Variants in RPS6KA2 observed in about 807,000 individuals in gnomAD.
The protein encoded by RPS6KA2 is ribosomal protein S6 kinase alpha-2.
A neutral mutation model predicts 91.8 loss-of-function variants in RPS6KA2; 42 were observed. The observed-to-expected ratio is 0.46, with a 90% confidence interval of 0.36 to 0.59. RPS6KA2 has a LOEUF of 0.59. Among genes scored for constraint, RPS6KA2 ranks in the 20% least tolerant of loss-of-function variants. The pLI, the probability that RPS6KA2 is intolerant of heterozygous loss-of-function variation, is 0.00. For missense variants in RPS6KA2, 798 were observed against 978.5 expected, an observed-to-expected ratio of 0.82 and a Z score of 2.46; for synonymous variants, 414 against 393.6, an observed-to-expected ratio of 1.05 and a Z score of -0.61.
intron 3 of RPS6KA2, among the ~76,000 whole-genome samples, chr6:166,530,131 C>G (rs1170524169): frequency 6.6e-6 from 1 of 152,166 alleles, no homozygotes; most frequent in Non-Finnish European, 1.5e-5. Context: ...GTACTGCTCC[C>G]CTGCCTGTAG....
Position 166,423,562 on chromosome 6 carries a change from A to G in RPS6KA2, c.1582-145T>C, listed in dbSNP as rs1236678678. ...CAGGCAACAGGCCAACAGTGTCAAC[A>G]GCTGCTGTCTTCTCCAGAGGGCCCC... On this transcript the variant is annotated intron_variant, in intron 16 of 20. Coordinates refer to ENST00000265678, the MANE Select transcript of RPS6KA2 (RefSeq NM_021135.6). The surrounding 1 kb of genome is among the most constrained non-coding windows in gnomAD (Gnocchi z 4.8). 1.4e-6 allele frequency: 1 copy of G among 717,242 alleles called. No individual in the cohort carries two copies. Among genetic ancestry groups the G allele is most frequent in the African/African-American group, 1.8e-5 (1 of 55,438 alleles). 44.4% of individuals were successfully genotyped at this position (717,242 alleles called of 1,614,324 possible). A position where few individuals can be genotyped will look rare whatever the true frequency, so the allele number is the denominator to read the frequency against.
At chr6:166,719,243 C>T (rs1790105900) in intron 2 of RPS6KA2, among the ~76,000 whole-genome samples, 1 of 152,214 alleles carries the variant, frequency 6.6e-6, no homozygotes, top group African/African-American at 2.4e-5. Context: ...AGGTTGGGAA[C>T]ATAATGTTAA....
chr6:166,641,962 C>T (rs1039265329), intron 2 of RPS6KA2, among the ~76,000 whole-genome samples: 1 of 151,504 alleles, frequency 6.6e-6, no homozygotes, highest in Non-Finnish European at 1.5e-5. Context: ...CAAAGAAAAA[C>T]AGAAAAGCAC....
rs144334798 is a variant in RPS6KA2, at chr6:166,772,207, G to A, written c.123+85993C>T. The stretch of plus-strand genomic sequence containing the variant: ...TGGCAAGCACTCCCTTTCTTTCTAT[G>A]GGACACTAGTTCCATGGAGTCCAGG... On this transcript the variant is annotated intron_variant, in intron 2 of 21. Coordinates refer to the RPS6KA2 transcript ENST00000503859. Among the ~76,000 whole-genome samples the A allele has an allele frequency of 2.4e-4, 37 of 152,238 alleles. No individual in the cohort carries two copies. In the East Asian group the frequency reaches 7.2e-3, roughly 29 times the overall value.
chr6:166,760,910 G>T (rs1232277500), intron 2 of RPS6KA2, among the ~76,000 whole-genome samples: 1 of 152,206 alleles, frequency 6.6e-6, no homozygotes, highest in Non-Finnish European at 1.5e-5. Context: ...AAGTGCATTA[G>T]CAAAATAAAT....
intron 16 of RPS6KA2, among the ~76,000 whole-genome samples, chr6:166,428,035 A>G (rs919479452): frequency 1.3e-5 from 2 of 151,734 alleles, no homozygotes; most frequent in African/African-American, 2.4e-5. Context: ...GAGGCATCAC[A>G]CTACCTGACT....
intron 1 of RPS6KA2, among the ~76,000 whole-genome samples, chr6:166,616,218 A>G (rs1786406356): frequency 6.6e-6 from 1 of 152,160 alleles, no homozygotes; most frequent in Admixed American, 6.5e-5. Flanking sequence ...TACTAATTTT[A>G]CAGAGAAGAA....
At chr6:166,523,486 A>G (rs762842426) in intron 3 of RPS6KA2, among the ~76,000 whole-genome samples, 1 of 152,130 alleles carries the variant, frequency 6.6e-6, no homozygotes, top group Non-Finnish European at 1.5e-5. Context: ...TCTGACCTTC[A>G]CCACCTCCAA....
intron 2 of RPS6KA2, chr6:166,701,395 G>A (rs1239927473): frequency 6.0e-6 from 8 of 1,335,690 alleles, no homozygotes; most frequent in Admixed American, 1.7e-5. Context: ...TAGGACTAAC[G>A]AAGTTTTCTT....
intron 3 of RPS6KA2, among the ~76,000 whole-genome samples, chr6:166,519,711 T>C (rs1782781060): frequency 6.6e-6 from 1 of 152,164 alleles, no homozygotes; most frequent in South Asian, 2.1e-4. Context: ...CTGGCAGGCA[T>C]AGGATATATG....
chr6:166,797,855 C>T (rs543240222), intron 2 of RPS6KA2, among the ~76,000 whole-genome samples: 22 of 152,074 alleles, frequency 1.4e-4, no homozygotes, highest in East Asian at 7.8e-4. Flanking sequence ...TAGGTGTAAC[C>T]GCCGGGTCCA....
In RPS6KA2 at chr6:166,495,916, G is replaced by A. The variant is rs988039439; in HGVS notation, c.747+2592C>T. Among the ~76,000 whole-genome samples the A allele has an allele frequency of 2.0e-5, 3 of 152,210 alleles. No individual in the cohort carries two copies. The highest frequency in any genetic ancestry group is 2.9e-5 in the Non-Finnish European group (2 of 68,040). On this transcript the variant is annotated intron_variant, in intron 8 of 20. Coordinates refer to ENST00000265678, the MANE Select transcript of RPS6KA2 (RefSeq NM_021135.6). This position sits in a 1 kb window ranked among gnomAD's most constrained non-coding sequence, Gnocchi z 4.4. ...ACCGGGGGGAGTTTGCTGGAGCAAG[G>A]CGAGCCCGACGTGGTCTCATTTCCT...
At chr6:166,480,479 TTATATATATATATATATA>T (rs3066214) in intron 10 of RPS6KA2, among the ~76,000 whole-genome samples, 1 of 99,874 alleles carries the variant, frequency 1.0e-5, no homozygotes, top group Non-Finnish European at 1.8e-5. Flanking sequence ...GATTGTGATT[TTATATATATATATATATA>T]TATATATATA....
chr6:166,507,505 A>G (rs1438605123), intron 5 of RPS6KA2, among the ~76,000 whole-genome samples: 4 of 151,098 alleles, frequency 2.6e-5, no homozygotes, highest in African/African-American at 4.9e-5. Flanking sequence ...CAGACACCCC[A>G]CACCACACAA....
At chr6:166,755,566 AC>A (rs760877147) in intron 2 of RPS6KA2, among the ~76,000 whole-genome samples, 4 of 152,042 alleles carry the variant, frequency 2.6e-5, no homozygotes, top group East Asian at 1.9e-4. Flanking sequence ...TCTCAGAATC[AC>A]ACCCAGGCCC....
At chr6:166,564,717 C>T (rs555230905) in intron 1 of RPS6KA2, among the ~76,000 whole-genome samples, 4 of 152,138 alleles carry the variant, frequency 2.6e-5, no homozygotes, top group Non-Finnish European at 5.9e-5. Flanking sequence ...ACACAAATAA[C>T]GCAGTCTAGA....
intron 10 of RPS6KA2, among the ~76,000 whole-genome samples, chr6:166,488,520 A>G: frequency 6.6e-6 from 1 of 152,256 alleles, no homozygotes; most frequent in East Asian, 1.9e-4. Context: ...TTCTGTCCTT[A>G]GCTTAGAGAC....
exon 1 of RPS6KA2, chr6:166,862,417 G>T: frequency 7.4e-7 from 1 of 1,345,038 alleles, no homozygotes; most frequent in Non-Finnish European, 9.6e-7. Context: ...TCCCCTCCCT[G>T]CCAAGCCAGG....
chr6:166,653,340 C>T (rs1787917249), intron 2 of RPS6KA2, among the ~76,000 whole-genome samples: 1 of 152,342 alleles, frequency 6.6e-6, no homozygotes, highest in East Asian at 1.9e-4. Flanking sequence ...GGATTACAGG[C>T]GTGAGCCGCC....
Sources: allele counts gnomAD v4.1 joint callset (sites outside exome capture counted in the v4.1 genomes callset), GRCh38; gene constraint gnomAD v4.1.1; non-coding constraint Gnocchi (gnomAD v3.1); transcripts MANE v1.5; gene names NCBI Gene and HGNC (gene_info 2026-07-23, HGNC 2026-07-21).